SLC35D4: variants seen among roughly 807,000 people sequenced by gnomAD.
SLC35D4 encodes the protein UDP-N-acetylglucosamine transporter SLC35D4.
the SLC35D4 span, among the ~76,000 whole-genome samples, chr18:23,282,119 C>T: frequency 2.0e-5 from 3 of 152,220 alleles, no homozygotes; most frequent in South Asian, 2.1e-4. Context: ...CAAGGGCCTC[C>T]GCGGCTCCCC....
At chr18:23,376,092 C>T in the SLC35D4 span, among the ~76,000 whole-genome samples, 45 of 152,318 alleles carry the variant, frequency 3.0e-4, no homozygotes, top group African/African-American at 9.4e-4. Context: ...GGATCAAAGG[C>T]GTGAACAAAA....
At chr18:23,267,780 T>C in the SLC35D4 span, among the ~76,000 whole-genome samples, 7 of 152,186 alleles carry the variant, frequency 4.6e-5, no homozygotes, top group Non-Finnish European at 7.3e-5. Context: ...CACTAGGGTG[T>C]CCTGTTGCCC....
chr18:23,316,662 CA>C, the SLC35D4 span, among the ~76,000 whole-genome samples: 5 of 138,630 alleles, frequency 3.6e-5, no homozygotes, highest in African/African-American at 1.6e-4. Flanking sequence ...AGATGAGGAA[CA>C]AAAGGAGATT....
the SLC35D4 span, among the ~76,000 whole-genome samples, chr18:23,310,554 C>T: frequency 9.2e-5 from 14 of 152,174 alleles, no homozygotes; most frequent in East Asian, 2.3e-3. Context: ...AAACAGCTTC[C>T]ATGGGGAAGG....
At chr18:23,423,847 T>C in the SLC35D4 span, among the ~76,000 whole-genome samples, 17 of 152,086 alleles carry the variant, frequency 1.1e-4, no homozygotes, top group African/African-American at 3.4e-4. Context: ...GAGAAGTTCA[T>C]TTGGTCTGGA....
chr18:23,244,017 GCT>G, the SLC35D4 span, among the ~76,000 whole-genome samples: 2 of 152,146 alleles, frequency 1.3e-5, no homozygotes, highest in Admixed American at 6.5e-5. Context: ...TGCAACATCT[GCT>G]CTCTTTCTAT....
At chr18:23,263,102 T>G in the SLC35D4 span, among the ~76,000 whole-genome samples, 1 of 150,262 alleles carries the variant, frequency 6.7e-6, no homozygotes, top group Non-Finnish European at 1.5e-5. Context: ...CTCTGAAACA[T>G]CACATAAGGT....
chr18:23,295,655 T>C, the SLC35D4 span, among the ~76,000 whole-genome samples: 1 of 152,182 alleles, frequency 6.6e-6, no homozygotes, highest in Non-Finnish European at 1.5e-5. Flanking sequence ...AAGTTCCAAA[T>C]ACACGAATCC....
At chr18:23,254,051 A>C in the SLC35D4 span, 1 of 816,900 alleles carries the variant, frequency 1.2e-6, no homozygotes, top group Non-Finnish European at 2.0e-6. Flanking sequence ...TTAGTCAGCA[A>C]TTGAGGTGAA....
the SLC35D4 span, among the ~76,000 whole-genome samples, chr18:23,359,962 A>G: frequency 6.6e-6 from 1 of 152,218 alleles, no homozygotes; most frequent in South Asian, 2.1e-4. Context: ...GGTGGGGCCC[A>G]TGCTGAGGGC....
chr18:23,430,284 G>T, the SLC35D4 span, among the ~76,000 whole-genome samples: 1 of 151,658 alleles, frequency 6.6e-6, no homozygotes, highest in Non-Finnish European at 1.5e-5. Context: ...ATGTTGCCCA[G>T]ACTGGTCCTG....
the SLC35D4 span, among the ~76,000 whole-genome samples, chr18:23,286,760 A>C: frequency 2.6e-5 from 4 of 152,098 alleles, no homozygotes; most frequent in East Asian, 5.8e-4. Context: ...CAACTTAGAC[A>C]ATACTCTTTT....
At chr18:23,241,789 G>A in the SLC35D4 span, among the ~76,000 whole-genome samples, 6 of 152,148 alleles carry the variant, frequency 3.9e-5, no homozygotes. Flanking sequence ...ATATAAAAAG[G>A]CCCCTCGTCG....
chr18:23,431,069 G>A, the SLC35D4 span, among the ~76,000 whole-genome samples: 10 of 144,304 alleles, frequency 6.9e-5, no homozygotes, highest in South Asian at 1.5e-3. Flanking sequence ...CAGAAGAATC[G>A]CTTGAACCTA....
chr18:23,335,500 G>A, the SLC35D4 span, among the ~76,000 whole-genome samples: 1 of 152,118 alleles, frequency 6.6e-6, no homozygotes, highest in African/African-American at 2.4e-5. Flanking sequence ...ACACCTTAGG[G>A]AACTTAGTTT....
the SLC35D4 span, chr18:23,437,678 A>T: frequency 8.2e-7 from 1 of 1,225,370 alleles, no homozygotes; most frequent in Non-Finnish European, 1.1e-6. Flanking sequence ...CGCCACCAGG[A>T]AGAATGAGGT....
At chr18:23,411,529 G>GAAAGAAAGAA in the SLC35D4 span, among the ~76,000 whole-genome samples, 5 of 151,392 alleles carry the variant, frequency 3.3e-5, no homozygotes, top group African/African-American at 9.7e-5. Flanking sequence ...AAGAAAGAAA[G>GAAAGAAAGAA]AAAGAAAGAA....
At chr18:23,321,090 A>G in the SLC35D4 span, among the ~76,000 whole-genome samples, 33 of 152,140 alleles carry the variant, frequency 2.2e-4, no homozygotes, top group Admixed American at 2.2e-3. Context: ...TTTTTGGACC[A>G]AGCCAGATCT....
At chr18:23,394,185 G>A in the SLC35D4 span, among the ~76,000 whole-genome samples, 6 of 152,164 alleles carry the variant, frequency 3.9e-5, no homozygotes, top group African/African-American at 1.4e-4. Context: ...TGGTGCTCAA[G>A]GGTTCCAACT....
Sources: allele counts gnomAD v4.1 joint callset (sites outside exome capture counted in the v4.1 genomes callset), GRCh38; gene constraint gnomAD v4.1.1; transcripts MANE v1.5; gene names NCBI Gene and HGNC (gene_info 2026-07-23, HGNC 2026-07-21).